The following ASPM variants were observed in gnomAD, a reference collection of about 807,000 sequenced individuals.
The protein encoded by ASPM is assembly factor for spindle microtubules.
A neutral mutation model predicts 366.4 loss-of-function variants in ASPM; 256 were observed. The ratio of observed to expected loss-of-function variants is 0.70; its 90% CI spans 0.63 to 0.77. The LOEUF (loss-of-function observed/expected upper bound fraction) is 0.77, where lower values mean the gene tolerates loss of function less well. Ranked by LOEUF, ASPM falls within the 30% of genes least tolerant of loss-of-function variation. The pLI is 0.00. For synonymous variants in ASPM, 1,414 were observed against 1,342.9 expected (o/e 1.05, Z -1.16); for missense variants, 4,146 against 4,090.4 (o/e 1.01, Z -0.37).
At chr1:197,099,245 A>G (rs1226779809) in intron 18 of ASPM, among the ~76,000 whole-genome samples, 1 of 150,424 alleles carries the variant, frequency 6.6e-6, no homozygotes. Flanking sequence ...TTTTTTTAAT[A>G]AAAATGACTG....
At position 197,103,816 on chromosome 1, in the gene ASPM, T is replaced by C. The variant is rs1657297039; in HGVS notation, c.5435A>G (p.Tyr1812Cys). ...TAGCTGGCGTACTTTATAACCTCTGTAAGCTGCTTGCAAGCAAGTAGCTGC... is the reference window on the plus strand; with the variant it reads ...TAGCTGGCGTACTTTATAACCTCTGCAAGCTGCTTGCAAGCAAGTAGCTGC... Reference protein sequence around the residue: ...KKAATCLQAAYRGYKVRQLIK... With the variant: ...KKAATCLQAACRGYKVRQLIK... The change falls in exon 18 of 28, where the codon TAC becomes TGC. Residue 1812 changes from tyrosine (Y) to cysteine (C), a missense_variant. By Grantham distance (194) the Tyr-to-Cys change is radical. Around this residue, in one of 3 missense-constraint regions of ASPM, gnomAD observed 3,624 missense variants for 3,591.7 expected, o/e 1.01. Transcript: ENST00000367409. The C allele has an allele frequency of 6.2e-7, 1 of 1,612,998 alleles. No homozygotes were observed. Among genetic ancestry groups the C allele is most frequent in the Admixed American group, 1.7e-5 (1 of 59,804 alleles).
Position 197,124,869 on chromosome 1 carries a change from C to T in ASPM, c.3168+1G>A. ...TACAAGATGTACCAAATGTATAATACCTGAAAAGCAAACGCTATTTTCCAA... is the reference window on the plus strand; with the variant it reads ...TACAAGATGTACCAAATGTATAATATCTGAAAAGCAAACGCTATTTTCCAA... On this transcript the variant is annotated splice_donor_variant, in intron 12 of 27. Coordinates refer to ENST00000367409, the MANE Select transcript of ASPM (RefSeq NM_018136.5). LOFTEE classifies it high-confidence loss of function. 4 of 1,592,896 alleles carry T rather than the reference C, an allele frequency of 2.5e-6. No homozygotes were observed. The highest frequency in any genetic ancestry group is 3.4e-6 in the Non-Finnish European group (4 of 1,161,970).
At chr1:197,094,696 T>C (rs981143881) in intron 19 of ASPM, among the ~76,000 whole-genome samples, 1 of 151,706 alleles carries the variant, frequency 6.6e-6, no homozygotes, top group African/African-American at 2.4e-5. Context: ...GAGAAAAATT[T>C]TAAAAAATCT....
chr1:197,112,892 A>G (rs912720083), intron 17 of ASPM, among the ~76,000 whole-genome samples: 1 of 152,124 alleles, frequency 6.6e-6, no homozygotes, highest in Non-Finnish European at 1.5e-5. Flanking sequence ...ACTCTGGCAA[A>G]ATAAACTTTC....
intron 17 of ASPM, among the ~76,000 whole-genome samples, chr1:197,111,818 A>G (rs1296966800): frequency 1.3e-5 from 2 of 152,166 alleles, no homozygotes; most frequent in Non-Finnish European, 2.9e-5. Flanking sequence ...ATAAGATACT[A>G]TCTCACATCA....
At chr1:197,123,807 T>G (rs1657991494) in intron 13 of ASPM, among the ~76,000 whole-genome samples, 1 of 152,122 alleles carries the variant, frequency 6.6e-6, no homozygotes, top group Non-Finnish European at 1.5e-5. Context: ...TGGGCTTATT[T>G]GAATTGAACT....
chr1:197,128,562 T>C lies in ASPM; in HGVS notation c.2864A>G (p.Gln955Arg), dbSNP rs770111593. Residue 955 changes from glutamine to arginine, a missense_variant, in exon 10 of 28, where the codon CAG (glutamine) becomes CGG (arginine). Around this residue, in one of 3 missense-constraint regions of ASPM, gnomAD observed 3,624 missense variants for 3,591.7 expected, o/e 1.01. Transcript: ENST00000367409. ...AAAATCAAATTCATCAAATGGTGTC[T>C]GAACATGGTTAACAGGTAATCCCAA... is the stretch of plus-strand genomic sequence containing the variant. ...GLLGLPVNHV[Q>R]TPFDEFDFAV... The C allele has an allele frequency of 2.1e-5, 34 of 1,613,776 alleles. No homozygotes were observed. The highest frequency in any genetic ancestry group is 2.9e-5 in the Non-Finnish European group (34 of 1,179,810).
intron 18 of ASPM, among the ~76,000 whole-genome samples, chr1:197,098,321 T>C (rs1657046132): frequency 6.6e-6 from 1 of 151,558 alleles, no homozygotes; most frequent in African/African-American, 2.4e-5. Flanking sequence ...ATCCCACGCT[T>C]GTGTTGCTTC....
intron 19 of ASPM, 52 bp from the exon 20 acceptor site, chr1:197,094,232 G>A: frequency 9.3e-7 from 1 of 1,074,014 alleles, no homozygotes; most frequent in East Asian, 2.5e-5. Context: ...CTTATTCAAT[G>A]AGTATTTATT....
At chr1:197,127,612 T>TG (rs1200562083) in intron 10 of ASPM, among the ~76,000 whole-genome samples, 1 of 152,172 alleles carries the variant, frequency 6.6e-6, no homozygotes, top group Non-Finnish European at 1.5e-5. Flanking sequence ...CATGGCAAAA[T>TG]GCTAAAGGCC....
chr1:197,090,929 G>C lies in ASPM; in HGVS notation c.9557C>G (p.Ser3186Ter), dbSNP rs199422189. 2 of 1,613,354 alleles carry C rather than the reference G, an allele frequency of 1.2e-6. No homozygotes were observed. The highest frequency in any genetic ancestry group is 2.2e-5 in the South Asian group (2 of 91,066). Reference protein sequence around the residue: ...ECLSQRNRAASVIQKAVRHFL... With the variant: ...ECLSQRNRAA ...ATGGCGCACTGCTTTCTGTATTACT[G>C]ATGCAGCCCTATTTCGCTGGCTCAG... The change falls in exon 23 of 28, where the codon TCA (serine) becomes TGA (stop). Residue 3186 changes from serine (S) to a stop codon, truncating the protein, a stop_gained. Coordinates refer to ENST00000367409, the MANE Select transcript of ASPM (RefSeq NM_018136.5). LOFTEE classifies it high-confidence loss of function.
chr1:197,095,247 C>G (rs1656933524), intron 19 of ASPM, among the ~76,000 whole-genome samples: 3 of 151,666 alleles, frequency 2.0e-5, no homozygotes, highest in African/African-American at 7.3e-5. Flanking sequence ...CACCCCTCCC[C>G]TCTCCCTATC....
In ASPM at chr1:197,142,390, G is replaced by A. The variant is rs2125113608; in HGVS notation, c.1862C>T (p.Thr621Ile). The A allele has an allele frequency of 1.2e-6, 2 of 1,613,864 alleles. No individual in the cohort carries two copies. Among genetic ancestry groups the A allele is most frequent in the East Asian group, 2.2e-5 (1 of 44,854 alleles). ...GCTAATACGTTTTGAGATGGGTGTT[G>A]TCACATTTTTTGTTTTCTTAACAGC... ...TSAVKKTKNV[T>I]TPISKRISNR... is the part of the protein sequence containing the mutation. The change falls in exon 3 of 28, where the codon ACA becomes ATA. Residue 621 changes from threonine (T) to isoleucine (I), a missense_variant. By Grantham distance (89) the Thr-to-Ile change is moderately conservative (BLOSUM62 -1). Coordinates refer to ENST00000367409, the MANE Select transcript of ASPM (RefSeq NM_018136.5).
intron 9 of ASPM, 144 bp from the exon 10 acceptor site, chr1:197,128,809 T>C (rs910187653): frequency 6.9e-6 from 5 of 725,556 alleles, no homozygotes; most frequent in African/African-American, 3.6e-5. Flanking sequence ...GCAAACTTCA[T>C]ACATATTTCC....
Position 197,117,947 on chromosome 1 carries a change from C to T in ASPM, c.3907G>A (p.Val1303Ile), listed in dbSNP as rs1238719948. The T allele has an allele frequency of 2.5e-6, 4 of 1,613,300 alleles. No individual in the cohort carries two copies. The highest frequency in any genetic ancestry group is 3.4e-6 in the Non-Finnish European group (4 of 1,179,626). ...CTTTGTTTTGCTAGAAAATTGATTA[C>T]AGCCAATTGAATAATTCTTGCAGCT... ...EKAARIIQLAVINFLAKQRLR... is the reference protein window; with the variant it reads ...EKAARIIQLAIINFLAKQRLR... The change falls in exon 17 of 28, where the codon GTA becomes ATA. Residue 1303 changes from valine (V) to isoleucine (I), a missense_variant. Physicochemically the swap from Val to Ile is conservative, Grantham distance 29. Around this residue, in one of 3 missense-constraint regions of ASPM, gnomAD observed 3,624 missense variants for 3,591.7 expected, o/e 1.01. Transcript: ENST00000367409.
chr1:197,142,843 G>A lies in ASPM; in HGVS notation c.1409C>T (p.Pro470Leu), dbSNP rs766775215. 19 of 1,613,262 alleles carry A rather than the reference G, an allele frequency of 1.2e-5. No homozygotes were observed. The East Asian group carries it at 3.1e-4, about 27-fold the overall frequency. Residue 470 changes from proline (P) to leucine (L), a missense_variant, in exon 3 of 28, where the codon CCT becomes CTT. By Grantham distance (98) the Pro-to-Leu change is moderately conservative. Coordinates refer to ENST00000367409, the MANE Select transcript of ASPM (RefSeq NM_018136.5). ...AATATCCTGAACTGCAGAAAATTTA[G>A]GATTATTTTGTTTTATAAAACTGTA... The part of the protein sequence containing the change: ...NYYSFIKQNN[P>L]KFSAVQDISS...
Position 197,128,509 on chromosome 1 carries a change from G to A in ASPM, c.2917C>T (p.Gln973Ter). The change falls in exon 10 of 28, where the codon CAA becomes TAA. Residue 973 changes from glutamine to a stop codon, truncating the protein, a stop_gained. Transcript: ENST00000367409. LOFTEE classifies it high-confidence loss of function. ...ACGTACACAAGGCGCACTCCACATT[G>A]CAAGTCTACGGCAAGATTTGTAACG... is the stretch of plus-strand genomic sequence containing the variant. ...FAVTNLAVDL[Q>*]CGVRLVRTME... 6.2e-7 allele frequency: 1 copy of A among 1,613,332 alleles called. No homozygotes were observed. The highest frequency in any genetic ancestry group is 1.3e-5 in the African/African-American group (1 of 74,998).
In ASPM at chr1:197,090,100, A is replaced by AAC. The variant is rs749305180; in HGVS notation, c.9830-18_9830-17dup. 9.9e-5 allele frequency: 160 copies of AAC among 1,610,932 alleles called. 1 individual carries two copies. Among genetic ancestry groups the AAC allele is most frequent in the East Asian group, 9.6e-4 (43 of 44,754 alleles). Reference sequence around the variant, plus strand: ...GTAACTACCTCTGAAAGAAAAAAAAAACACACACACACAGGTAAATTTACA... The same window carrying AAC: ...GTAACTACCTCTGAAAGAAAAAAAAAACACACACACACACAGGTAAATTTACA... On this transcript the variant is annotated splice_polypyrimidine_tract_variant and intron_variant, in intron 24 of 27. Transcript: ENST00000367409.
intron 7 of ASPM, among the ~76,000 whole-genome samples, chr1:197,131,953 A>G (rs1358912831): frequency 1.3e-5 from 2 of 152,208 alleles, no homozygotes; most frequent in African/African-American, 2.4e-5. Context: ...TAAATTAGAA[A>G]ATGTATTCAC....
Sources: gnomAD v4.1 joint callset for allele counts (sites outside exome capture counted in the v4.1 genomes callset) on GRCh38, gnomAD v4.1.1 for gene constraint, gnomAD v4.1.1 regional missense constraint, MANE v1.5 for transcripts, NCBI Gene and HGNC (gene_info 2026-07-23, HGNC 2026-07-21) for gene names.